The following PCDHGA5 variants were observed in gnomAD, a reference collection of about 807,000 sequenced individuals.
PCDHGA5 encodes the protein protocadherin gamma subfamily A, 5, also known as protocadherin gamma-A5.
In PCDHGA5, 36 loss-of-function variants were observed where a neutral mutation model predicts 56.7. That is an observed-to-expected ratio of 0.64 (90% CI 0.49 to 0.84). The LOEUF is 0.84. Among genes scored for constraint, PCDHGA5 ranks in the 40% least tolerant of loss-of-function variants. PCDHGA5 has a pLI of 0.00. For synonymous variants in PCDHGA5, 563 were observed against 520.2 expected (o/e 1.08, Z -1.12); for missense variants, 1,305 against 1,201.5 (o/e 1.09, Z -1.27).
chr5:141,423,116 C>T (rs374000303), intron 1 of PCDHGA5: 210 of 1,613,682 alleles, frequency 1.3e-4, no homozygotes, highest in Middle Eastern at 4.9e-4. Context: ...GTGCGTACAG[C>T]GCGGGCACTG....
intron 2 of PCDHGA5, among the ~76,000 whole-genome samples, chr5:141,495,250 A>G (rs557893500): frequency 6.6e-6 from 1 of 152,188 alleles, no homozygotes; most frequent in Non-Finnish European, 1.5e-5. Context: ...CCTGGGGCTC[A>G]GGCAGAAAAG....
rs200254467 is a variant in PCDHGA5 at position 141,419,887 on chromosome 5, C to T, written c.2421+53136C>T. 380 of 1,614,050 alleles carry T rather than the reference C, an allele frequency of 2.4e-4. 1 individual carries two copies. The Admixed American group carries it at 2.6e-3, about 11-fold the overall frequency. ...TGCAAGAGGTACTGCCGGATTTCAGCGACCATCCCACACCCTCTGACTCCC... is the reference window on the plus strand; with the variant it reads ...TGCAAGAGGTACTGCCGGATTTCAGTGACCATCCCACACCCTCTGACTCCC... On this transcript the variant is annotated intron_variant, in intron 1 of 3. Transcript: ENST00000518069.
In PCDHGA5 at chr5:141,414,949, G is replaced by A. The variant is rs774769957; in HGVS notation, c.2421+48198G>A. On this transcript the variant is annotated intron_variant, in intron 1 of 3. Transcript: ENST00000518069. ...CCGCTCCGCAGAGCCCGGCTACCTGGTGACCAAGGTGGTGGCGGTGGACAG... is the reference window on the plus strand; with the variant it reads ...CCGCTCCGCAGAGCCCGGCTACCTGATGACCAAGGTGGTGGCGGTGGACAG... The A allele has an allele frequency of 8.1e-6, 13 of 1,614,096 alleles. 1 individual carries two copies. The South Asian group carries it at 1.4e-4, about 18-fold the overall frequency.
intron 1 of PCDHGA5, chr5:141,393,048 C>T (rs745354934): frequency 1.2e-6 from 2 of 1,613,672 alleles, no homozygotes; most frequent in African/African-American, 1.3e-5. Context: ...TGCTCTGAAC[C>T]CGCGCAGCGG....
At position 141,366,664 on chromosome 5, in the gene PCDHGA5, G is replaced by T. The variant is rs1477897734; in HGVS notation, c.2334G>T (p.Thr778=). Reference sequence around the variant, plus strand: ...TTCCCCAGCCCAACTACGCAGACACGCTCCTTAGTGAAGAGAGCTGTGAGA... The same window carrying T: ...TTCCCCAGCCCAACTACGCAGACACTCTCCTTAGTGAAGAGAGCTGTGAGA... ...LIFPQPNYAD[T]LLSEESCEKS... is the part of the protein sequence containing the mutation. The change falls in exon 1 of 4, where the codon ACG becomes ACT. Residue 778 remains threonine (T), a synonymous_variant. Transcript: ENST00000518069. 2 of 1,614,118 alleles carry T rather than the reference G, an allele frequency of 1.2e-6. No individual in the cohort carries two copies. Among genetic ancestry groups the T allele is most frequent in the African/African-American group, 1.3e-5 (1 of 74,950 alleles).
rs2099756055 is a variant in PCDHGA5, at chr5:141,494,679, C to T, written c.2422-128C>T. The T allele has an allele frequency of 3.9e-6, 6 of 1,556,494 alleles. No homozygotes were observed. In the South Asian group the frequency reaches 4.7e-5, roughly 12 times the overall value. ...GTCTTTGGAGATGAGTCCACCCCTG[C>T]CCCCTCTTAGTCCGTTTTCTTCTCT... is the stretch of plus-strand genomic sequence containing the variant. On this transcript the variant is annotated intron_variant, in intron 1 of 3. Coordinates refer to ENST00000518069, the MANE Select transcript of PCDHGA5 (RefSeq NM_018918.3).
At chr5:141,401,226 C>T (rs960294428) in intron 1 of PCDHGA5, among the ~76,000 whole-genome samples, 1 of 152,102 alleles carries the variant, frequency 6.6e-6, no homozygotes, top group African/African-American at 2.4e-5. Context: ...CCTGTAATCC[C>T]AGCTACTCAG....
chr5:141,375,200 G>C (rs755732164), intron 1 of PCDHGA5: 3 of 1,613,940 alleles, frequency 1.9e-6, no homozygotes, highest in Non-Finnish European at 2.5e-6. Flanking sequence ...TCAAGTGTTC[G>C]ATCGAGACTC....
chr5:141,444,893 G>T (rs1238224263), intron 1 of PCDHGA5, among the ~76,000 whole-genome samples: 1 of 152,160 alleles, frequency 6.6e-6, no homozygotes, highest in Admixed American at 6.5e-5. Flanking sequence ...TTTTGAATGG[G>T]ATGGCATTGC....
chr5:141,401,215 G>A (rs371927686), intron 1 of PCDHGA5, among the ~76,000 whole-genome samples: 9 of 152,158 alleles, frequency 5.9e-5, no homozygotes, highest in African/African-American at 9.6e-5. Context: ...GGTGGCGGGC[G>A]CCTGTAATCC....
In PCDHGA5 at chr5:141,445,206, A is replaced by G. The variant is rs1244524491; in HGVS notation, c.2422-49601A>G. On this transcript the variant is annotated intron_variant, in intron 1 of 3. Transcript: ENST00000518069. ...TTTTTATGTATTCTATATGCTTTTGAAAAGTAAGAGGTGCAAAGTGCTCTA... is the reference window on the plus strand; with the variant it reads ...TTTTTATGTATTCTATATGCTTTTGGAAAGTAAGAGGTGCAAAGTGCTCTA... 3.3e-5 allele frequency among the ~76,000 whole-genome samples: 5 copies of G among 152,182 alleles called. No individual in the cohort carries two copies. The East Asian group carries it at 7.7e-4, about 23-fold the overall frequency.
At chr5:141,384,834 C>G (rs369584315) in intron 1 of PCDHGA5, 2 of 1,613,478 alleles carry the variant, frequency 1.2e-6, no homozygotes, top group Non-Finnish European at 1.7e-6. Flanking sequence ...TCGTGGTGGC[C>G]GTCCAGGACC....
chr5:141,434,072 A>G lies in PCDHGA5; in HGVS notation c.2422-60735A>G, dbSNP rs558084143. On this transcript the variant is annotated intron_variant, in intron 1 of 3. Coordinates refer to ENST00000518069, the MANE Select transcript of PCDHGA5 (RefSeq NM_018918.3). ...CAATGGCCTGTAATCTGTTAATATC[A>G]ATTATTTATTTTGATGCTGAAATTG... Among the ~76,000 whole-genome samples the G allele has an allele frequency of 1.9e-3, 289 of 152,072 alleles. 1 individual carries two copies. Among genetic ancestry groups the G allele is most frequent in the African/African-American group, 6.7e-3 (276 of 41,486 alleles).
intron 1 of PCDHGA5, among the ~76,000 whole-genome samples, chr5:141,481,700 T>C (rs1283509788): frequency 2.0e-5 from 3 of 152,034 alleles, no homozygotes; most frequent in Non-Finnish European, 4.4e-5. Context: ...ACGCCTGTAA[T>C]CCCAGCACTT....
intron 1 of PCDHGA5, chr5:141,420,054 G>A (rs1355002535): frequency 6.2e-7 from 1 of 1,614,070 alleles, no homozygotes; most frequent in East Asian, 2.2e-5. Context: ...TCAGTTCTCT[G>A]CTCCAAGTCC....
rs750109717 is a variant in PCDHGA5, at chr5:141,490,546, A to C, written c.2422-4261A>C. 1.9e-6 allele frequency: 3 copies of C among 1,614,110 alleles called. No individual in the cohort carries two copies. Among genetic ancestry groups the C allele is most frequent in the Non-Finnish European group, 2.5e-6 (3 of 1,180,036 alleles). On this transcript the variant is annotated intron_variant, in intron 1 of 3. Transcript: ENST00000518069. The surrounding 1 kb of genome is among the most constrained non-coding windows in gnomAD (Gnocchi z 5.4). ...CGATGCTGGTTCACCTTCCCTACAC[A>C]AACATCTCACCATCAGGCTCAACAT...
intron 1 of PCDHGA5, among the ~76,000 whole-genome samples, chr5:141,437,491 T>C (rs1428543921): frequency 6.6e-6 from 1 of 152,184 alleles, no homozygotes; most frequent in Non-Finnish European, 1.5e-5. Flanking sequence ...ATCTCGTAGA[T>C]CACTTTTCAA....
At chr5:141,452,370 G>A (rs2098739834) in intron 1 of PCDHGA5, among the ~76,000 whole-genome samples, 1 of 152,136 alleles carries the variant, frequency 6.6e-6, no homozygotes, top group Non-Finnish European at 1.5e-5. Flanking sequence ...CTTCATTTTA[G>A]TAGGGAATAG....
intron 1 of PCDHGA5, chr5:141,423,106 G>A (rs562864937): frequency 1.2e-6 from 2 of 1,613,894 alleles, no homozygotes; most frequent in Admixed American, 1.7e-5. Context: ...CACGGGCGAG[G>A]TGCGTACAGC....
Sources: gnomAD v4.1 joint callset for allele counts (sites outside exome capture counted in the v4.1 genomes callset) on GRCh38, gnomAD v4.1.1 for gene constraint, Gnocchi (gnomAD v3.1) non-coding constraint, MANE v1.5 for transcripts, NCBI Gene and HGNC (gene_info 2026-07-23, HGNC 2026-07-21) for gene names.